Variants in ZSCAN32 observed in about 807,000 individuals in gnomAD.
ZSCAN32 encodes the protein zinc finger and SCAN domain containing 32, also known as zinc finger and SCAN domain-containing protein 32.
Under a neutral mutation model 47.4 loss-of-function variants are expected in ZSCAN32, and 52 were observed. The observed-to-expected ratio is 1.10, with a 90% CI of 0.88 to 1.38. The LOEUF (loss-of-function observed/expected upper bound fraction) is 1.38, where lower values mean the gene tolerates loss of function less well. Among genes scored for constraint, ZSCAN32 ranks in the 40% most tolerant of loss-of-function variants. The pLI is 0.00. For missense variants in ZSCAN32, 959 were observed against 846.0 expected, an observed-to-expected ratio of 1.13 and a Z score of -1.66; for synonymous variants, 346 against 305.7, an observed-to-expected ratio of 1.13 and a Z score of -1.38.
intron 5 of ZSCAN32, among the ~76,000 whole-genome samples, chr16:3,388,498 C>T (rs2032275049): frequency 6.6e-6 from 1 of 152,230 alleles, no homozygotes; most frequent in Admixed American, 6.5e-5. Context: ...CTGCCGCTTA[C>T]TGATTATGCT....
At chr16:3,393,872 A>C in intron 2 of ZSCAN32, 58 bp from the exon 3 acceptor site, 1 of 1,425,598 alleles carries the variant, frequency 7.0e-7, no homozygotes, top group East Asian at 2.6e-5. Context: ...GGACTTTACA[A>C]CTCCTAAGAG....
chr16:3,395,525 G>A (rs560216304), intron 2 of ZSCAN32, among the ~76,000 whole-genome samples: 14 of 152,110 alleles, frequency 9.2e-5, no homozygotes, highest in South Asian at 8.3e-4. Context: ...TTCCCCTTCC[G>A]CCATGACTGT....
Position 3,383,407 on chromosome 16 carries a change from T to C in ZSCAN32, c.1539A>G (p.Pro513=). ...CSQSVHSPHK[P]ALKLEKVSQC... is the part of the protein sequence containing the mutation. Reference sequence around the variant, plus strand: ...GAGATACTTTTTCCAGTTTGAGCGCTGGCTTGTGGGGAGAGTGCACACTCT... The same window carrying C: ...GAGATACTTTTTCCAGTTTGAGCGCCGGCTTGTGGGGAGAGTGCACACTCT... The change falls in exon 7 of 7, where the codon CCA becomes CCG. Residue 513 remains proline (P), a synonymous_variant. Transcript: ENST00000396852. 4.3e-6 allele frequency: 7 copies of C among 1,614,212 alleles called. No homozygotes were observed. Among genetic ancestry groups the C allele is most frequent in the Non-Finnish European group, 5.9e-6 (7 of 1,180,020 alleles).
chr16:3,389,652 C>A (rs187672996), intron 5 of ZSCAN32, among the ~76,000 whole-genome samples: 185 of 152,330 alleles, frequency 1.2e-3, no homozygotes, highest in Non-Finnish European at 2.0e-3. Context: ...TCGGGAGCGA[C>A]TACTGCTACC....
chr16:3,392,651 C>T (rs1035551667), intron 3 of ZSCAN32, among the ~76,000 whole-genome samples: 5 of 152,024 alleles, frequency 3.3e-5, no homozygotes, highest in African/African-American at 1.2e-4. Context: ...CACGATGAAA[C>T]GCCGTCTCTA....
At position 3,383,636 on chromosome 16, in the gene ZSCAN32, G is replaced by C. The variant is rs185266177; in HGVS notation, c.1310C>G (p.Ala437Gly). Residue 437 changes from alanine (A) to glycine (G), a missense_variant, in exon 7 of 7, where the codon GCT becomes GGT. Physicochemically the swap from Ala to Gly is moderately conservative, Grantham distance 60. Coordinates refer to ENST00000396852, the MANE Select transcript of ZSCAN32 (RefSeq NM_001284527.2). ...DDSEEVEINK[A>G]LQRKSRGVYW... ...AACTCCTCTGGACTTTCTCTGTAAA[G>C]CCTTGTTTATTTCTACTTCCTCTGA... 5 of 1,612,266 alleles carry C rather than the reference G, an allele frequency of 3.1e-6. No individual in the cohort carries two copies. In the African/African-American group the frequency reaches 6.7e-5, roughly 22 times the overall value.
intron 5 of ZSCAN32, 91 bp from the exon 6 acceptor site, chr16:3,385,032 G>T: frequency 6.8e-7 from 1 of 1,462,044 alleles, no homozygotes; most frequent in Non-Finnish European, 9.2e-7. Flanking sequence ...AGCTTAAAAA[G>T]TTACATCCTA....
intron 2 of ZSCAN32, among the ~76,000 whole-genome samples, chr16:3,395,635 G>A (rs1378109236): frequency 6.6e-6 from 1 of 152,184 alleles, no homozygotes; most frequent in East Asian, 1.9e-4. Context: ...ATAGCAGTGT[G>A]AGAACGGACT....
chr16:3,397,120 C>G lies in ZSCAN32; in HGVS notation c.366+72G>C, dbSNP rs144239726. The G allele has an allele frequency of 1.2e-3, 1,806 of 1,460,800 alleles. 14 individuals carry two copies. The African/African-American group carries it at 0.024, about 19-fold the overall frequency. 90.5% of individuals were successfully genotyped at this position (1,460,800 alleles called of 1,614,324 possible). ...GGCTACTGTGTGTTTCTCAACCAAG[C>G]ACCTCTCCAGTAACTGGATTCCCCG... On this transcript the variant is annotated intron_variant, in intron 2 of 6. Transcript: ENST00000396852.
intron 5 of ZSCAN32, among the ~76,000 whole-genome samples, chr16:3,386,427 A>C (rs985077603): frequency 2.6e-5 from 4 of 152,196 alleles, no homozygotes; most frequent in African/African-American, 7.2e-5. Flanking sequence ...TTGACCCAGC[A>C]ATCCCATTAC....
rs111430390 is a variant in ZSCAN32, at chr16:3,383,126, C to T, written c.1820G>A (p.Cys607Tyr). The T allele has an allele frequency of 3.3e-4, 534 of 1,614,184 alleles. 1 individual carries two copies. The highest frequency in any genetic ancestry group is 4.3e-4 in the Non-Finnish European group (513 of 1,180,040). The change falls in exon 7 of 7, where the codon TGC becomes TAC. Residue 607 changes from cysteine to tyrosine, a missense_variant. By Grantham distance (194) the Cys-to-Tyr change is radical. Coordinates refer to ENST00000396852, the MANE Select transcript of ZSCAN32 (RefSeq NM_001284527.2). ...RTHTGEKPYQ[C>Y]IVCGKRFNNS... ...GTTGAATCTCTTTCCACAGACAATG[C>T]ACTGGTAAGGCTTTTCCCCGGTATG...
intron 5 of ZSCAN32, among the ~76,000 whole-genome samples, chr16:3,388,066 G>A (rs570700038): frequency 2.0e-5 from 3 of 152,312 alleles, no homozygotes; most frequent in Admixed American, 6.5e-5. Context: ...AAGGACAGGA[G>A]TCTTGTGCTT....
chr16:3,390,490 T>C lies in ZSCAN32; in HGVS notation c.560A>G (p.Asn187Ser). ...EAWLAPQAPRNLPQNTGLHDQ... is the reference protein window; with the variant it reads ...EAWLAPQAPRSLPQNTGLHDQ... ...GTGGAGACCTGTGTTTTGAGGCAGG[T>C]TCCTGGGAGCCTGAGGAGCAAGCCA... is the stretch of plus-strand genomic sequence containing the variant. Residue 187 changes from asparagine (N) to serine (S), a missense_variant, in exon 4 of 7, where the codon AAC (asparagine) becomes AGC (serine). Coordinates refer to ENST00000396852, the MANE Select transcript of ZSCAN32 (RefSeq NM_001284527.2). 5.8e-6 allele frequency: 9 copies of C among 1,549,180 alleles called. No homozygotes were observed. The highest frequency in any genetic ancestry group is 6.1e-6 in the Non-Finnish European group (7 of 1,146,908).
chr16:3,390,720 C>T (rs1055023747), intron 3 of ZSCAN32, among the ~76,000 whole-genome samples: 1 of 152,198 alleles, frequency 6.6e-6, no homozygotes, highest in Non-Finnish European at 1.5e-5. Context: ...CACTCTCCCA[C>T]CTCCGAATGA....
chr16:3,391,697 A>AAAAAAAC (rs767841047), intron 3 of ZSCAN32, among the ~76,000 whole-genome samples: 2 of 143,598 alleles, frequency 1.4e-5, no homozygotes. Flanking sequence ...AAAAAAAAAA[A>AAAAAAAC]CAAAATACTA....
At chr16:3,398,951 G>C (rs2033629013) in intron 1 of ZSCAN32, among the ~76,000 whole-genome samples, 1 of 152,168 alleles carries the variant, frequency 6.6e-6, no homozygotes, top group Admixed American at 6.5e-5. Context: ...GACCAGGCGT[G>C]GTGGCTCACG....
intron 5 of ZSCAN32, among the ~76,000 whole-genome samples, chr16:3,387,376 A>ATC (rs1291004369): frequency 6.6e-6 from 1 of 152,226 alleles, no homozygotes; most frequent in African/African-American, 2.4e-5. Flanking sequence ...ATCTGTTTAT[A>ATC]TCTCCTGTCA....
chr16:3,400,664 T>A (rs548430212), intron 1 of ZSCAN32, among the ~76,000 whole-genome samples: 1 of 152,024 alleles, frequency 6.6e-6, no homozygotes, highest in East Asian at 1.9e-4. Flanking sequence ...TGTGGATGAG[T>A]AGGGAGTGGG....
intron 6 of ZSCAN32, 174 bp from the exon 7 acceptor site, chr16:3,383,885 A>G: frequency 1.3e-6 from 1 of 782,694 alleles, no homozygotes; most frequent in Non-Finnish European, 1.9e-6. Context: ...TTTGAGCTCC[A>G]AATTATTACA....
Sources: gnomAD v4.1 joint callset for allele counts (sites outside exome capture counted in the v4.1 genomes callset) on GRCh38, gnomAD v4.1.1 for gene constraint, MANE v1.5 for transcripts, NCBI Gene and HGNC (gene_info 2026-07-23, HGNC 2026-07-21) for gene names.